EPB41L5: variants seen among roughly 807,000 people sequenced by gnomAD.
The protein encoded by EPB41L5 is erythrocyte membrane protein band 4.1 like 5.
A neutral mutation model predicts 106.6 loss-of-function variants in EPB41L5; 55 were observed. That is an observed-to-expected ratio of 0.52 (90% CI 0.42 to 0.65). The LOEUF (loss-of-function observed/expected upper bound fraction) is 0.65. Ranked by LOEUF, EPB41L5 falls within the 30% of genes least tolerant of loss-of-function variation. The pLI is 0.00. For missense variants in EPB41L5, 871 were observed against 882.1 expected (o/e 0.99, Z 0.16); for synonymous variants, 297 against 306.7 (o/e 0.97, Z 0.33).
chr2:120,109,832 A>G (rs952846194), intron 16 of EPB41L5, among the ~76,000 whole-genome samples: 4 of 152,108 alleles, frequency 2.6e-5, no homozygotes, highest in African/African-American at 9.7e-5. Context: ...CTTTCTCTTA[A>G]TCTCTTGAAC....
At chr2:120,075,868 A>T (rs1452174936) in intron 7 of EPB41L5, 115 bp downstream of exon 7, 2 of 849,408 alleles carry the variant, frequency 2.4e-6, no homozygotes, top group Admixed American at 2.0e-5. Context: ...GTTTTTGTAT[A>T]AACTTGTATC....
chr2:120,016,874 A>T (rs1214602978), intron 1 of EPB41L5, among the ~76,000 whole-genome samples: 1 of 152,232 alleles, frequency 6.6e-6, no homozygotes, highest in African/African-American at 2.4e-5. Context: ...ATACCTGGAA[A>T]AAAAAATCTG....
chr2:120,132,126 C>A (rs936636731), intron 18 of EPB41L5, among the ~76,000 whole-genome samples: 1 of 152,138 alleles, frequency 6.6e-6, no homozygotes, highest in African/African-American at 2.4e-5. Flanking sequence ...TCCTTTCTCT[C>A]CCCTGTCCCC....
chr2:120,047,064 C>T (rs540730423), intron 3 of EPB41L5, among the ~76,000 whole-genome samples: 60 of 152,204 alleles, frequency 3.9e-4, no homozygotes, highest in Non-Finnish European at 7.9e-4. Flanking sequence ...GTTACTGTAG[C>T]CTTGTAGTAT....
chr2:120,018,687 CCTGAGCTG>C (rs1677713700), intron 1 of EPB41L5, among the ~76,000 whole-genome samples: 1 of 151,598 alleles, frequency 6.6e-6, no homozygotes, highest in African/African-American at 2.4e-5. Context: ...TGCTCTGTTG[CCTGAGCTG>C]GAATGCAGTG....
At chr2:120,093,105 A>G (rs1683521851) in intron 13 of EPB41L5, 144 bp from the exon 14 acceptor site, 2 of 728,286 alleles carry the variant, frequency 2.7e-6, no homozygotes, top group Admixed American at 2.3e-5. Flanking sequence ...CTACAAAATC[A>G]TGAAAGACCC....
At chr2:120,016,911 T>C (rs1209367890) in intron 1 of EPB41L5, among the ~76,000 whole-genome samples, 2 of 152,174 alleles carry the variant, frequency 1.3e-5, no homozygotes, top group Admixed American at 6.6e-5. Context: ...CCAGGTATTA[T>C]ATATGAGTGT....
At chr2:120,145,718 G>A (rs1686371374) in intron 19 of EPB41L5, among the ~76,000 whole-genome samples, 1 of 152,196 alleles carries the variant, frequency 6.6e-6, no homozygotes, top group African/African-American at 2.4e-5. Flanking sequence ...GCCCAGGCAG[G>A]TGGATTACTT....
At chr2:120,140,553 C>T (rs1267643963) in intron 18 of EPB41L5, among the ~76,000 whole-genome samples, 2 of 151,852 alleles carry the variant, frequency 1.3e-5, no homozygotes, top group East Asian at 1.9e-4. Flanking sequence ...GAAGTTGAGC[C>T]CCCCGATCTG....
intron 10 of EPB41L5, among the ~76,000 whole-genome samples, chr2:120,081,270 T>C (rs1339185784): frequency 6.6e-6 from 1 of 152,232 alleles, no homozygotes; most frequent in South Asian, 2.1e-4. Context: ...TAATCCATCT[T>C]GAATTGATTT....
intron 16 of EPB41L5, among the ~76,000 whole-genome samples, chr2:120,110,458 C>T (rs1004130493): frequency 1.3e-5 from 2 of 152,126 alleles, no homozygotes; most frequent in African/African-American, 4.8e-5. Context: ...ATATCATCAC[C>T]CTGAACTTTT....
chr2:120,117,525 C>T (rs1210215197), intron 16 of EPB41L5, among the ~76,000 whole-genome samples: 1 of 152,162 alleles, frequency 6.6e-6, no homozygotes, highest in East Asian at 1.9e-4. Context: ...ATTTGACCAG[C>T]AGAGTATGAG....
chr2:120,155,750 T>C (rs1427997436), intron 20 of EPB41L5, among the ~76,000 whole-genome samples: 2 of 152,064 alleles, frequency 1.3e-5, no homozygotes, highest in Non-Finnish European at 2.9e-5. Flanking sequence ...GTTCACTGAC[T>C]ATTCTGCCTG....
chr2:120,167,180 T>C (rs973393064), intron 22 of EPB41L5, among the ~76,000 whole-genome samples: 1 of 152,246 alleles, frequency 6.6e-6, no homozygotes, highest in African/African-American at 2.4e-5. Flanking sequence ...GTAGGGGCAG[T>C]CCTATTAAGT....
chr2:120,101,161 G>C (rs1047045679), intron 16 of EPB41L5, among the ~76,000 whole-genome samples: 7 of 152,210 alleles, frequency 4.6e-5, no homozygotes, highest in African/African-American at 1.7e-4. Flanking sequence ...TCCCAGGTCC[G>C]TAAGGAAAGT....
At chr2:120,104,746 C>T in intron 16 of EPB41L5, 1 of 907,390 alleles carries the variant, frequency 1.1e-6, no homozygotes, top group Non-Finnish European at 1.3e-6. Flanking sequence ...AATTTAAGTG[C>T]CTAAGATTTT....
Position 120,162,291 on chromosome 2 carries a change from A to G in EPB41L5, c.1887+1317A>G, listed in dbSNP as rs567375597. 2.6e-5 allele frequency among the ~76,000 whole-genome samples: 4 copies of G among 152,362 alleles called. No individual in the cohort carries two copies. The South Asian group carries it at 8.3e-4, about 32-fold the overall frequency. On this transcript the variant is annotated intron_variant, in intron 21 of 24. Coordinates refer to ENST00000263713, the MANE Select transcript of EPB41L5 (RefSeq NM_020909.4). ...CTAAACCCTTAACAATTCAGAAATC[A>G]TAGAAACCCAGTTTATTGCCAATGA...
intron 10 of EPB41L5, among the ~76,000 whole-genome samples, chr2:120,085,850 A>C (rs758261490): frequency 1.3e-5 from 2 of 152,154 alleles, no homozygotes; most frequent in Admixed American, 6.5e-5. Context: ...AGAGATAAAG[A>C]AAGCTCCTTT....
At position 120,160,953 on chromosome 2, in the gene EPB41L5, C is replaced by A. The variant is rs143384506; in HGVS notation, c.1866C>A (p.Ala622=). 6 of 1,613,582 alleles carry A rather than the reference C, an allele frequency of 3.7e-6. No homozygotes were observed. Among genetic ancestry groups the A allele is most frequent in the Non-Finnish European group, 4.2e-6 (5 of 1,179,650 alleles). ...AGACTCTGATGCTTATCACACCTGC[C>A]GACAGTGGTTCTGTTCTAAAGGTAA... ...SLETLMLITP[A]DSGSVLKEAT... The change falls in exon 21 of 25, where the codon GCC becomes GCA. Residue 622 remains alanine (A), a synonymous_variant. Transcript: ENST00000263713.
Sources: allele counts gnomAD v4.1 joint callset (sites outside exome capture counted in the v4.1 genomes callset), GRCh38; gene constraint gnomAD v4.1.1; transcripts MANE v1.5; gene names NCBI Gene and HGNC (gene_info 2026-07-23, HGNC 2026-07-21).